ACYP2: variants seen among roughly 807,000 people sequenced by gnomAD.
ACYP2 encodes acylphosphatase-2.
A neutral mutation model predicts 11.2 loss-of-function variants in ACYP2; 12 were observed. That is an observed-to-expected ratio of 1.08 (90% CI 0.69 to 1.74). The LOEUF (loss-of-function observed/expected upper bound fraction) is 1.74, where lower values mean the gene tolerates loss of function less well. Ranked by LOEUF, ACYP2 falls within the 40% of genes most tolerant of loss-of-function variation. The pLI, the probability that ACYP2 is intolerant of heterozygous loss-of-function variation, is 0.00. For missense variants in ACYP2, 134 were observed against 101.9 expected, an observed-to-expected ratio of 1.31 and a Z score of -1.35; for synonymous variants, 43 against 32.2, an observed-to-expected ratio of 1.33 and a Z score of -1.13.
At chr2:54,097,312 C>T (rs1678645068) in intron 4 of ACYP2, among the ~76,000 whole-genome samples, 1 of 152,182 alleles carries the variant, frequency 6.6e-6, no homozygotes, top group Non-Finnish European at 1.5e-5. Flanking sequence ...AATGTGAGCT[C>T]CATGAGGACA....
chr2:54,204,910 G>C (rs562865779), intron 6 of ACYP2, among the ~76,000 whole-genome samples: 1 of 152,110 alleles, frequency 6.6e-6, no homozygotes, highest in South Asian at 2.1e-4. Flanking sequence ...TTACTAGTTT[G>C]GTTTTTAATA....
At chr2:54,061,270 G>A (rs890334308) in intron 4 of ACYP2, among the ~76,000 whole-genome samples, 6 of 152,142 alleles carry the variant, frequency 3.9e-5, no homozygotes, top group Non-Finnish European at 7.4e-5. Flanking sequence ...AAAATATGTT[G>A]GTTTTGACTT....
chr2:53,982,885 G>T (rs879918775), intron 2 of ACYP2, among the ~76,000 whole-genome samples: 7 of 139,726 alleles, frequency 5.0e-5, no homozygotes, highest in Admixed American at 7.1e-5. Context: ...ATATAAATAG[G>T]TTCAGGGAGA....
chr2:54,193,410 T>C (rs1338874412), intron 6 of ACYP2, among the ~76,000 whole-genome samples: 1 of 152,184 alleles, frequency 6.6e-6, no homozygotes, highest in African/African-American at 2.4e-5. Flanking sequence ...AAATAACTCA[T>C]TTAAACAGAT....
chr2:54,265,711 G>C (rs993342421), intron 6 of ACYP2, among the ~76,000 whole-genome samples: 6 of 152,214 alleles, frequency 3.9e-5, no homozygotes, highest in Admixed American at 3.3e-4. Context: ...GTTAAGAGTG[G>C]TAAGTCCAAA....
At chr2:54,229,435 G>A (rs1363840039) in intron 6 of ACYP2, among the ~76,000 whole-genome samples, 2 of 152,082 alleles carry the variant, frequency 1.3e-5, no homozygotes, top group Non-Finnish European at 2.9e-5. Flanking sequence ...AATTTGATAT[G>A]AAATTATTAT....
chr2:54,292,060 A>G (rs1233649946), intron 6 of ACYP2, among the ~76,000 whole-genome samples: 1 of 152,218 alleles, frequency 6.6e-6, no homozygotes, highest in Non-Finnish European at 1.5e-5. Context: ...TGAATGTAGC[A>G]GAAACAGGAT....
chr2:54,147,556 G>T (rs1246936906), intron 6 of ACYP2, among the ~76,000 whole-genome samples: 1 of 152,056 alleles, frequency 6.6e-6, no homozygotes, highest in Admixed American at 6.6e-5. Context: ...GCAGGATCTT[G>T]CTCTGTTGCC....
intron 6 of ACYP2, among the ~76,000 whole-genome samples, chr2:54,173,672 G>C (rs1683317274): frequency 1.3e-5 from 2 of 152,130 alleles, no homozygotes; most frequent in Admixed American, 1.3e-4. Flanking sequence ...ATGGTTTTAG[G>C]TCTAACATTT....
At chr2:54,179,113 C>T (rs919185570) in intron 6 of ACYP2, among the ~76,000 whole-genome samples, 16 of 151,856 alleles carry the variant, frequency 1.1e-4, no homozygotes, top group Admixed American at 9.2e-4. Context: ...ATTTAATAAG[C>T]ACATTAAGGG....
At chr2:54,029,951 AT>A in intron 2 of ACYP2, 1 of 282,236 alleles carries the variant, frequency 3.5e-6, no homozygotes, top group South Asian at 4.9e-5. Context: ...AAAGAAGGGA[AT>A]TTATTGCTGT....
chr2:54,164,776 G>A (rs1682879837), intron 6 of ACYP2, among the ~76,000 whole-genome samples: 1 of 152,078 alleles, frequency 6.6e-6, no homozygotes, highest in South Asian at 2.1e-4. Context: ...ATGTGCCATG[G>A]TGGTTTGCTG....
intron 2 of ACYP2, among the ~76,000 whole-genome samples, chr2:54,001,610 T>G (rs1338312348): frequency 6.6e-6 from 1 of 152,158 alleles, no homozygotes; most frequent in Non-Finnish European, 1.5e-5. Flanking sequence ...GCTTCACTGG[T>G]CTCGAACTTC....
intron 6 of ACYP2, among the ~76,000 whole-genome samples, chr2:54,151,874 G>T (rs1682187964): frequency 1.3e-5 from 2 of 151,816 alleles, no homozygotes; most frequent in Non-Finnish European, 2.9e-5. Context: ...GCTTTCTCAG[G>T]TAGCAACTAA....
At chr2:54,004,602 G>A (rs778528887) in intron 2 of ACYP2, among the ~76,000 whole-genome samples, 3 of 150,920 alleles carry the variant, frequency 2.0e-5, no homozygotes, top group African/African-American at 2.4e-5. Context: ...TAGTAGAGAC[G>A]GGTTTCACAG....
rs1262581063 is a variant in ACYP2 at position 54,048,760 on chromosome 2, T to G, written c.63-2198T>G. On this transcript the variant is annotated intron_variant, in intron 2 of 6. Transcript: ENST00000607452. ...TCAGTGCCTAAATGTGCAGAATTGT[T>G]TTCAAATCTTTTAGATAATTAATTT... is the stretch of plus-strand genomic sequence containing the variant. 2.0e-5 allele frequency among the ~76,000 whole-genome samples: 3 copies of G among 152,346 alleles called. No individual in the cohort carries two copies. In the South Asian group the frequency reaches 6.2e-4, roughly 32 times the overall value.
chr2:54,242,933 A>G (rs1686792096), intron 6 of ACYP2, among the ~76,000 whole-genome samples: 1 of 152,222 alleles, frequency 6.6e-6, no homozygotes, highest in South Asian at 2.1e-4. Flanking sequence ...ATCTGAAGTT[A>G]GCACCCTTTA....
intron 4 of ACYP2, among the ~76,000 whole-genome samples, chr2:54,111,515 C>T (rs934662945): frequency 6.6e-6 from 1 of 152,202 alleles, no homozygotes; most frequent in Non-Finnish European, 1.5e-5. Context: ...GGGACAGAAT[C>T]TCCTTCTGGA....
intron 6 of ACYP2, among the ~76,000 whole-genome samples, chr2:54,239,353 G>A (rs1686634418): frequency 6.6e-6 from 1 of 152,168 alleles, no homozygotes; most frequent in South Asian, 2.1e-4. Context: ...CCTCTGTCTT[G>A]TTCTTTTAGC....
Sources: allele counts gnomAD v4.1 joint callset (sites outside exome capture counted in the v4.1 genomes callset), GRCh38; gene constraint gnomAD v4.1.1; transcripts MANE v1.5; gene names NCBI Gene and HGNC (gene_info 2026-07-23, HGNC 2026-07-21).